The following RFX3 variants were observed in gnomAD, a reference collection of about 807,000 sequenced individuals.
RFX3 encodes regulatory factor X3.
RFX3 carries 14 observed loss-of-function variants against 98.6 expected under a neutral mutation model. That is an observed-to-expected ratio of 0.14 (90% CI 0.09 to 0.22). RFX3 has a LOEUF of 0.22. Among genes scored for constraint, RFX3 ranks in the 10% least tolerant of loss-of-function variants. The pLI is 1.00. For missense variants in RFX3, 639 were observed against 926.9 expected (o/e 0.69, Z 4.03); for synonymous variants, 383 against 328.4 (o/e 1.17, Z -1.80).
intron 1 of RFX3, among the ~76,000 whole-genome samples, chr9:3,475,470 T>C: frequency 6.6e-6 from 1 of 152,020 alleles, no homozygotes; most frequent in East Asian, 1.9e-4. Flanking sequence ...GAGTCACATG[T>C]CCACTAGACA....
intron 1 of RFX3, among the ~76,000 whole-genome samples, chr9:3,396,167 C>T (rs1840847080): frequency 6.6e-6 from 1 of 151,802 alleles, no homozygotes. Context: ...TTAGGTATAT[C>T]TCCTAATGCT....
intron 4 of RFX3, among the ~76,000 whole-genome samples, chr9:3,315,965 A>AATAGT (rs1830534453): frequency 6.6e-6 from 1 of 152,220 alleles, no homozygotes; most frequent in Admixed American, 6.5e-5. Flanking sequence ...AGCTGGTACC[A>AATAGT]TTCCTTCTGA....
At chr9:3,342,872 T>C (rs1834048382) in intron 3 of RFX3, among the ~76,000 whole-genome samples, 1 of 152,218 alleles carries the variant, frequency 6.6e-6, no homozygotes, top group Admixed American at 6.5e-5. Flanking sequence ...ACACAAATGA[T>C]GTAGCATGGG....
At chr9:3,372,155 T>C (rs1837934817) in intron 2 of RFX3, among the ~76,000 whole-genome samples, 1 of 152,206 alleles carries the variant, frequency 6.6e-6, no homozygotes, top group African/African-American at 2.4e-5. Flanking sequence ...CTTCTTTGCC[T>C]ACCATCACAT....
At chr9:3,318,447 A>C (rs931488505) in intron 4 of RFX3, among the ~76,000 whole-genome samples, 1 of 152,060 alleles carries the variant, frequency 6.6e-6, no homozygotes, top group African/African-American at 2.4e-5. Context: ...GGTGCAGCAC[A>C]CCAACATGGC....
intron 1 of RFX3, among the ~76,000 whole-genome samples, chr9:3,505,535 G>C (rs1429519138): frequency 2.3e-5 from 2 of 88,016 alleles, no homozygotes; most frequent in Non-Finnish European, 5.4e-5. Flanking sequence ...ATAAAAGGGG[G>C]TAAAGAGAAA....
intron 3 of RFX3, among the ~76,000 whole-genome samples, chr9:3,340,833 G>A (rs995980749): frequency 6.6e-6 from 1 of 152,142 alleles, no homozygotes; most frequent in African/African-American, 2.4e-5. Context: ...AACCATTGTG[G>A]AAGTCAGTGT....
At chr9:3,351,828 A>G (rs1835170912) in intron 2 of RFX3, among the ~76,000 whole-genome samples, 1 of 152,010 alleles carries the variant, frequency 6.6e-6, no homozygotes, top group African/African-American at 2.4e-5. Context: ...TAAGAAAACG[A>G]GCATGCTTAC....
chr9:3,457,636 T>C (rs1318980121), intron 1 of RFX3, among the ~76,000 whole-genome samples: 2 of 152,168 alleles, frequency 1.3e-5, no homozygotes, highest in Non-Finnish European at 2.9e-5. Context: ...CAATTCATTT[T>C]AGGATTCAGC....
At chr9:3,491,472 A>G (rs1850714121) in intron 1 of RFX3, among the ~76,000 whole-genome samples, 1 of 152,160 alleles carries the variant, frequency 6.6e-6, no homozygotes, top group African/African-American at 2.4e-5. Flanking sequence ...GAGCAACATG[A>G]GTCAAACATA....
At chr9:3,461,138 A>G (rs939959219) in intron 1 of RFX3, among the ~76,000 whole-genome samples, 5 of 151,358 alleles carry the variant, frequency 3.3e-5, no homozygotes, top group African/African-American at 1.2e-4. Flanking sequence ...GACAAAATAC[A>G]TGTAGCAAAT....
rs541883371 is a variant in RFX3, at chr9:3,292,495, G to A, written c.731+582C>T. 7.9e-5 allele frequency among the ~76,000 whole-genome samples: 12 copies of A among 152,252 alleles called. No homozygotes were observed. The South Asian group carries it at 2.3e-3, about 29-fold the overall frequency. On this transcript the variant is annotated intron_variant, in intron 6 of 16. Transcript: ENST00000617270. ...CAGAAAAAAAAGTAGGGGCTAATAA[G>A]AGGTAAAATAGAGCTATCTCATCAC...
intron 4 of RFX3, among the ~76,000 whole-genome samples, chr9:3,324,708 A>G (rs902733200): frequency 4.6e-5 from 7 of 152,160 alleles, no homozygotes; most frequent in African/African-American, 1.7e-4. Flanking sequence ...CATGCCTGTA[A>G]TCCCAGCACT....
At chr9:3,225,334 A>T in intron 16 of RFX3, 54 bp from the exon 17 acceptor site, 1 of 1,597,134 alleles carries the variant, frequency 6.3e-7, no homozygotes, top group East Asian at 2.2e-5. Flanking sequence ...AGAAAATAGC[A>T]ATCAACAGGT....
intron 1 of RFX3, among the ~76,000 whole-genome samples, chr9:3,517,065 T>C (rs1818255411): frequency 6.6e-6 from 1 of 152,208 alleles, no homozygotes; most frequent in African/African-American, 2.4e-5. Flanking sequence ...GAAGAAACAA[T>C]AAGCAAACAA....
chr9:3,475,726 G>A (rs1158464304), intron 1 of RFX3, among the ~76,000 whole-genome samples: 1 of 152,144 alleles, frequency 6.6e-6, no homozygotes, highest in African/African-American at 2.4e-5. Flanking sequence ...GGACTAGGAG[G>A]GTGACCACTG....
At position 3,374,722 on chromosome 9, in the gene RFX3, TAG is replaced by T. The variant is rs1037606725; in HGVS notation, c.117+20748_117+20749del. Among the ~76,000 whole-genome samples, 20 of 152,216 alleles carry T rather than the reference TAG, an allele frequency of 1.3e-4. No individual in the cohort carries two copies. The Middle Eastern group carries it at 0.01, about 78-fold the overall frequency. Reference sequence around the variant, plus strand: ...GGGGGAAATGGGAAATTGTAATGGGTAGAGAGTTTCAGCTTTGCAAGATGAAA... The same window carrying T: ...GGGGGAAATGGGAAATTGTAATGGGTAGAGTTTCAGCTTTGCAAGATGAAA... On this transcript the variant is annotated intron_variant, in intron 2 of 16. Transcript: ENST00000617270.
chr9:3,508,744 T>C (rs1013124823), intron 1 of RFX3, among the ~76,000 whole-genome samples: 5 of 152,024 alleles, frequency 3.3e-5, no homozygotes, highest in Non-Finnish European at 7.4e-5. Context: ...TCCTGTTTTA[T>C]ATAAATGTAT....
At chr9:3,478,825 C>T (rs542955015) in intron 1 of RFX3, among the ~76,000 whole-genome samples, 46 of 152,312 alleles carry the variant, frequency 3.0e-4, no homozygotes, top group Non-Finnish European at 5.6e-4. Flanking sequence ...CTTCCTTTGC[C>T]TCAACTGAAA....
Sources: allele counts gnomAD v4.1 joint callset (sites outside exome capture counted in the v4.1 genomes callset), GRCh38; gene constraint gnomAD v4.1.1; transcripts MANE v1.5; gene names NCBI Gene and HGNC (gene_info 2026-07-23, HGNC 2026-07-21).